PARD3: variants seen among roughly 807,000 people sequenced by gnomAD.
The protein encoded by PARD3 is par-3 family cell polarity regulator, also known as partitioning defective 3 homolog.
A neutral mutation model predicts 155.4 loss-of-function variants in PARD3; 75 were observed. The observed-to-expected ratio is 0.48, with a 90% confidence interval of 0.40 to 0.58. The LOEUF (loss-of-function observed/expected upper bound fraction) is 0.58, where lower values mean the gene tolerates loss of function less well. Among genes scored for constraint, PARD3 ranks in the 20% least tolerant of loss-of-function variants. The pLI is 0.00. For synonymous variants in PARD3, 576 were observed against 610.5 expected, an observed-to-expected ratio of 0.94 and a Z score of 0.83; for missense variants, 1,642 against 1,721.7, an observed-to-expected ratio of 0.95 and a Z score of 0.82.
At chr10:34,144,517 C>T (rs1258335605) in intron 22 of PARD3, among the ~76,000 whole-genome samples, 1 of 151,948 alleles carries the variant, frequency 6.6e-6, no homozygotes, top group Non-Finnish European at 1.5e-5. Context: ...TGTAAGTTGC[C>T]AGTATGAATC....
At chr10:34,708,349 A>G (rs2094399505) in intron 1 of PARD3, among the ~76,000 whole-genome samples, 1 of 152,218 alleles carries the variant, frequency 6.6e-6, no homozygotes, top group Non-Finnish European at 1.5e-5. Flanking sequence ...GGAAAGAAAA[A>G]GTACTATGAA....
At chr10:34,621,714 T>A (rs2091689946) in intron 2 of PARD3, among the ~76,000 whole-genome samples, 1 of 152,226 alleles carries the variant, frequency 6.6e-6, no homozygotes, top group Admixed American at 6.5e-5. Flanking sequence ...TATTGTTCTC[T>A]ACAAGTTTTT....
chr10:34,333,093 T>G (rs1453353216), intron 18 of PARD3, among the ~76,000 whole-genome samples: 3 of 152,112 alleles, frequency 2.0e-5, no homozygotes, highest in African/African-American at 7.2e-5. Context: ...TCCATACACA[T>G]GTATTGGGCA....
At chr10:34,811,032 G>C (rs547842166) in intron 1 of PARD3, among the ~76,000 whole-genome samples, 3 of 152,220 alleles carry the variant, frequency 2.0e-5, no homozygotes, top group Admixed American at 6.5e-5. Flanking sequence ...AGGGAGGTGG[G>C]AACAGTGAGC....
chr10:34,287,721 C>G (rs1362294683), intron 20 of PARD3, among the ~76,000 whole-genome samples: 1 of 151,988 alleles, frequency 6.6e-6, no homozygotes, highest in Admixed American at 6.6e-5. Context: ...GTCAATCAAC[C>G]TTCATCTTTT....
chr10:34,552,007 T>C (rs2084619268), intron 2 of PARD3, among the ~76,000 whole-genome samples: 2 of 152,238 alleles, frequency 1.3e-5, no homozygotes, highest in African/African-American at 2.4e-5. Flanking sequence ...AGATTCCACA[T>C]AATAGTGTAT....
intron 2 of PARD3, among the ~76,000 whole-genome samples, chr10:34,558,199 A>C (rs1390950907): frequency 1.3e-5 from 2 of 152,088 alleles, no homozygotes; most frequent in Non-Finnish European, 2.9e-5. Context: ...TATATTCCCC[A>C]TTGCAGCAAC....
At chr10:34,699,038 A>G (rs915011487) in intron 1 of PARD3, among the ~76,000 whole-genome samples, 6 of 152,188 alleles carry the variant, frequency 3.9e-5, no homozygotes, top group African/African-American at 1.4e-4. Context: ...TATCAGCAGA[A>G]TATGTTACCC....
chr10:34,664,234 G>C (rs557638369), intron 2 of PARD3: 1 of 152,188 alleles, frequency 6.6e-6, no homozygotes. Flanking sequence ...ACAGAGTCTC[G>C]AACTGTTGCC....
intron 22 of PARD3, among the ~76,000 whole-genome samples, chr10:34,144,060 T>C (rs1396573488): frequency 6.6e-6 from 1 of 152,168 alleles, no homozygotes; most frequent in African/African-American, 2.4e-5. Flanking sequence ...TTAGTTAAAT[T>C]ATTATATTAG....
At chr10:34,136,510 T>A (rs1441082396) in intron 22 of PARD3, among the ~76,000 whole-genome samples, 1 of 152,000 alleles carries the variant, frequency 6.6e-6, no homozygotes, top group East Asian at 1.9e-4. Context: ...TTTTTTAAAG[T>A]AAGGTGGTCT....
At chr10:34,728,101 A>G (rs1338034587) in intron 1 of PARD3, among the ~76,000 whole-genome samples, 1 of 152,204 alleles carries the variant, frequency 6.6e-6, no homozygotes, top group Admixed American at 6.5e-5. Flanking sequence ...GAGGCTTCAC[A>G]GTATGTATGA....
At chr10:34,474,152 A>G (rs2078545049) in intron 3 of PARD3, among the ~76,000 whole-genome samples, 1 of 152,164 alleles carries the variant, frequency 6.6e-6, no homozygotes, top group African/African-American at 2.4e-5. Flanking sequence ...GCAACAGAGC[A>G]AGGCCCTGTC....
intron 1 of PARD3, among the ~76,000 whole-genome samples, chr10:34,789,548 C>T (rs1841399102): frequency 6.6e-6 from 1 of 151,232 alleles, no homozygotes. Context: ...AAAAAAAATA[C>T]AAAAAGTTAG....
At chr10:34,381,912 CAAAAAAAAAAAAAAAAAA>C (rs202053812) in intron 9 of PARD3, among the ~76,000 whole-genome samples, 1 of 71,874 alleles carries the variant, frequency 1.4e-5, no homozygotes, top group African/African-American at 4.9e-5. Context: ...GGCCCTGTCT[CAAAAAAAAAAAAAAAAAA>C]AAAAAAAAAA....
chr10:34,341,838 A>G (rs776951534), intron 15 of PARD3, 22 bp from the exon 16 acceptor site: 2 of 1,496,178 alleles, frequency 1.3e-6, no homozygotes, highest in African/African-American at 1.4e-5. Flanking sequence ...AAAAAGAAGA[A>G]GAGAAAATTC....
At chr10:34,765,740 C>A (rs375782406) in intron 1 of PARD3, among the ~76,000 whole-genome samples, 5 of 152,022 alleles carry the variant, frequency 3.3e-5, no homozygotes, top group East Asian at 3.9e-4. Context: ...TATCGTTAAG[C>A]GCTTATTTCT....
At chr10:34,283,956 T>G (rs1956269383) in intron 21 of PARD3, among the ~76,000 whole-genome samples, 179 bp downstream of exon 21, 1 of 143,874 alleles carries the variant, frequency 7.0e-6, no homozygotes, top group African/African-American at 2.6e-5. Context: ...ACATATAAGG[T>G]TTTTTTTTTT....
chr10:34,344,892 T>A (rs1837241003), intron 15 of PARD3: 1 of 985,280 alleles, frequency 1.0e-6, no homozygotes, highest in Non-Finnish European at 1.2e-6. Flanking sequence ...GCAACTTCTG[T>A]CAAGTTAATT....
Sources: gnomAD v4.1 joint callset for allele counts (sites outside exome capture counted in the v4.1 genomes callset) on GRCh38, gnomAD v4.1.1 for gene constraint, MANE v1.5 for transcripts, NCBI Gene and HGNC (gene_info 2026-07-23, HGNC 2026-07-21) for gene names.